MPDU1: variants seen among roughly 807,000 people sequenced by gnomAD.
MPDU1 encodes the protein mannose-P-dolichol utilization defect 1 protein.
A neutral mutation model predicts 27.6 loss-of-function variants in MPDU1; 18 were observed. That is an observed-to-expected ratio of 0.65 (90% CI 0.45 to 0.97). The LOEUF (loss-of-function observed/expected upper bound fraction) is 0.97. Ranked by LOEUF, MPDU1 falls within the 50% of genes least tolerant of loss-of-function variation. The pLI is 0.00. For synonymous variants in MPDU1, 142 were observed against 131.1 expected (o/e 1.08, Z -0.57); for missense variants, 279 against 297.4 (o/e 0.94, Z 0.46).
chr17:7,586,721 T>A lies in MPDU1; in HGVS notation c.332T>A (p.Leu111His). The A allele has an allele frequency of 1.2e-6, 2 of 1,614,054 alleles. No individual in the cohort carries two copies. The highest frequency in any genetic ancestry group is 1.1e-5 in the South Asian group (1 of 91,078). Residue 111 changes from leucine (L) to histidine (H), a missense_variant, in exon 4 of 7, where the codon CTC becomes CAC. Physicochemically the swap from Leu to His is moderately conservative, Grantham distance 99. Coordinates refer to ENST00000250124, the MANE Select transcript of MPDU1 (RefSeq NM_004870.4). ...SSWGEALFLM[L>H]QTITICFLVM... ...TGGGGTGAAGCCTTATTCCTGATGCTCCAGACGATCACCATCTGCTTCCTG... is the reference window on the plus strand; with the variant it reads ...TGGGGTGAAGCCTTATTCCTGATGCACCAGACGATCACCATCTGCTTCCTG...
upstream of MPDU1, chr17:7,583,824 T>C: frequency 4.4e-6 from 7 of 1,604,162 alleles, no homozygotes; most frequent in South Asian, 1.1e-5. Flanking sequence ...CGAAAGTCAA[T>C]GGCGGTCTGG....
intron 1 of MPDU1, among the ~76,000 whole-genome samples, chr17:7,584,655 T>G (rs1722433506): frequency 6.6e-6 from 1 of 152,162 alleles, no homozygotes; most frequent in Non-Finnish European, 1.5e-5. Context: ...AGGGTAAGGT[T>G]TAGTCCCTGA....
intron 1 of MPDU1, 137 bp downstream of exon 1, chr17:7,584,102 G>A (rs2071541383): frequency 7.9e-6 from 7 of 881,296 alleles, no homozygotes; most frequent in South Asian, 7.9e-5. Context: ...TGAGAAGGGC[G>A]GAAGTGTCTC....
chr17:7,583,993 G>T, intron 1 of MPDU1, 28 bp downstream of exon 1: 1 of 1,606,176 alleles, frequency 6.2e-7, no homozygotes, highest in South Asian at 1.1e-5. Context: ...TCCGATCCAA[G>T]TCCTACTCGA....
chr17:7,588,181 A>C lies in MPDU1; in HGVS notation c.*630A>C, dbSNP rs770282612. 2 of 719,646 alleles carry C rather than the reference A, an allele frequency of 2.8e-6. No homozygotes were observed. Among genetic ancestry groups the C allele is most frequent in the South Asian group, 2.9e-5 (2 of 68,578 alleles). 44.6% of individuals were successfully genotyped at this position (719,646 alleles called of 1,614,324 possible). On this transcript the variant is annotated 3_prime_UTR_variant, in exon 7 of 7. Coordinates refer to ENST00000250124, the MANE Select transcript of MPDU1 (RefSeq NM_004870.4). ...ACAATAAAGACTGGAGACTCAGTTG[A>C]ATAATACAAAACTGTTTAATACTAC...
chr17:7,585,483 G>A (rs2071565514), intron 1 of MPDU1, among the ~76,000 whole-genome samples: 1 of 151,818 alleles, frequency 6.6e-6, no homozygotes, highest in Non-Finnish European at 1.5e-5. Context: ...GCTGCAGTGG[G>A]CTGAGATTGG....
intron 3 of MPDU1, 151 bp downstream of exon 3, chr17:7,586,229 T>C: frequency 1.1e-6 from 1 of 908,000 alleles, no homozygotes; most frequent in African/African-American, 1.6e-5. Context: ...GTGGATCACC[T>C]GAGGTCAGGA....
At chr17:7,586,510 G>T (rs771861156) in intron 3 of MPDU1, 182 bp from the exon 4 acceptor site, 16 of 691,118 alleles carry the variant, frequency 2.3e-5, no homozygotes, top group Non-Finnish European at 4.2e-5. Flanking sequence ...ATCACCAGTG[G>T]AGGTGATCTT....
chr17:7,586,415 G>A (rs898812758), intron 3 of MPDU1: 1 of 535,594 alleles, frequency 1.9e-6, no homozygotes, highest in Non-Finnish European at 3.4e-6. Context: ...CTCCAGCCTG[G>A]GCAACAAGAG....
Position 7,587,652 on chromosome 17 carries a change from C to A in MPDU1, c.*101C>A. The A allele has an allele frequency of 6.6e-7, 1 of 1,515,198 alleles. No individual in the cohort carries two copies. The highest frequency in any genetic ancestry group is 9.1e-7 in the Non-Finnish European group (1 of 1,094,380). The allele number at this position is 1,515,198 out of a possible 1,614,324, so 93.9% of individuals were successfully genotyped here. On this transcript the variant is annotated 3_prime_UTR_variant, in exon 7 of 7. Coordinates refer to ENST00000250124, the MANE Select transcript of MPDU1 (RefSeq NM_004870.4). ...GGTGTGACTTACTCATCCTCCATTCCTCTGCACTTGCAGACTTTCTGAGCC... is the reference window on the plus strand; with the variant it reads ...GGTGTGACTTACTCATCCTCCATTCATCTGCACTTGCAGACTTTCTGAGCC...
upstream of MPDU1, chr17:7,583,761 C>T: frequency 7.9e-7 from 1 of 1,269,108 alleles, no homozygotes; most frequent in Non-Finnish European, 1.1e-6. Context: ...GGCGGGCCAG[C>T]TTCGCCGCGG....
At position 7,583,907 on chromosome 17, in the gene MPDU1, G is replaced by A. The variant is rs1257586701; in HGVS notation, c.45G>A (p.Pro15=). The stretch of plus-strand genomic sequence containing the variant: ...GACCGCTTAAACGGCTGCTCGTGCC[G>A]ATTCTTTTACCTGAGAAATGCTACG... ...ADGPLKRLLV[P]ILLPEKCYDQ... Residue 15 remains proline (P), a synonymous_variant, in exon 1 of 7, where the codon CCG becomes CCA. Coordinates refer to ENST00000250124, the MANE Select transcript of MPDU1 (RefSeq NM_004870.4). 2 of 1,614,064 alleles carry A rather than the reference G, an allele frequency of 1.2e-6. No individual in the cohort carries two copies. The highest frequency in any genetic ancestry group is 1.7e-6 in the Non-Finnish European group (2 of 1,180,048).
At chr17:7,584,016 C>T (rs1486597837) in intron 1 of MPDU1, 51 bp downstream of exon 1, 5 of 1,560,844 alleles carry the variant, frequency 3.2e-6, no homozygotes. Flanking sequence ...GACCGTGGGC[C>T]CTTAGTCCAA....
At chr17:7,586,254 A>G (rs1326198903) in intron 3 of MPDU1, 176 bp downstream of exon 3, 1 of 711,446 alleles carries the variant, frequency 1.4e-6, no homozygotes, top group Non-Finnish European at 2.4e-6. Context: ...GAACTGGCCA[A>G]CATGGTGAAA....
At chr17:7,585,596 C>G in intron 1 of MPDU1, 136 bp from the exon 2 acceptor site, 2 of 790,624 alleles carry the variant, frequency 2.5e-6, no homozygotes, top group East Asian at 5.1e-5. Flanking sequence ...TCTCACTGCC[C>G]TCCGCCTCTC....
rs184120196 is a variant in MPDU1 at position 7,584,175 on chromosome 17, T to A, written c.103+210T>A. On this transcript the variant is annotated intron_variant, in intron 1 of 6. Transcript: ENST00000250124. Reference sequence around the variant, plus strand: ...GGGGAAGTCACCGGGTGGAATTACTTCTTTGTGGAGTTTGTGCTGTAGCGA... The same window carrying A: ...GGGGAAGTCACCGGGTGGAATTACTACTTTGTGGAGTTTGTGCTGTAGCGA... The A allele has an allele frequency of 1.9e-3, 1,185 of 627,520 alleles. 2 individuals carry two copies. The highest frequency in any genetic ancestry group is 2.7e-3 in the Non-Finnish European group (932 of 349,266). The allele number at this position is 627,520 out of a possible 1,614,324, so 38.9% of individuals were successfully genotyped here.
upstream of MPDU1, chr17:7,583,804 G>A (rs2071533404): frequency 1.9e-6 from 3 of 1,562,394 alleles, no homozygotes. Flanking sequence ...TCCGCAGCGC[G>A]CACGCGCAAC....
intron 3 of MPDU1, 41 bp from the exon 4 acceptor site, chr17:7,586,651 T>TC (rs1486776916): frequency 1.9e-6 from 3 of 1,586,110 alleles, no homozygotes; most frequent in Non-Finnish European, 2.6e-6. Context: ...CCTGCCTCTT[T>TC]CTAGGCCCGC....
chr17:7,586,209 G>A (rs2071579930), intron 3 of MPDU1, 131 bp downstream of exon 3: 1 of 1,133,744 alleles, frequency 8.8e-7, no homozygotes, highest in African/African-American at 1.5e-5. Flanking sequence ...ACTTTGGGAG[G>A]CCGAGGCGGG....
Sources: gnomAD v4.1 joint callset for allele counts (sites outside exome capture counted in the v4.1 genomes callset) on GRCh38, gnomAD v4.1.1 for gene constraint, MANE v1.5 for transcripts, NCBI Gene and HGNC (gene_info 2026-07-23, HGNC 2026-07-21) for gene names.